The following JAZF1 variants were observed in gnomAD, a reference collection of about 807,000 sequenced individuals.
JAZF1 encodes the protein juxtaposed with another zinc finger protein 1.
A neutral mutation model predicts 26.4 loss-of-function variants in JAZF1; 8 were observed. The ratio of observed to expected loss-of-function variants is 0.30; its 90% CI spans 0.18 to 0.55. The LOEUF (loss-of-function observed/expected upper bound fraction) is 0.55, where lower values mean the gene tolerates loss of function less well. Ranked by LOEUF, JAZF1 falls within the 20% of genes least tolerant of loss-of-function variation. The pLI, the probability that JAZF1 is intolerant of heterozygous loss-of-function variation, is 0.94. For missense variants in JAZF1, 199 were observed against 322.0 expected (o/e 0.62, Z 2.92); for synonymous variants, 126 against 122.3 (o/e 1.03, Z -0.20).
chr7:28,007,362 A>G (rs1782721927), intron 1 of JAZF1, among the ~76,000 whole-genome samples: 1 of 152,150 alleles, frequency 6.6e-6, no homozygotes, highest in South Asian at 2.1e-4. Context: ...TGAGGTAGGG[A>G]GTTCGAGATC....
intron 1 of JAZF1, among the ~76,000 whole-genome samples, chr7:28,062,529 C>T (rs1466353879): frequency 6.7e-6 from 1 of 150,296 alleles, no homozygotes; most frequent in Non-Finnish European, 1.5e-5. Context: ...ACCCTGCATG[C>T]TGCATGCAGG....
intron 2 of JAZF1, among the ~76,000 whole-genome samples, chr7:27,943,245 C>T (rs1784876138): frequency 1.3e-5 from 2 of 152,090 alleles, no homozygotes; most frequent in South Asian, 4.2e-4. Context: ...GACTGCCTGG[C>T]CTATGCAGAC....
chr7:27,856,242 C>T (rs1190522125), intron 3 of JAZF1, among the ~76,000 whole-genome samples: 4 of 152,092 alleles, frequency 2.6e-5, no homozygotes, highest in African/African-American at 4.8e-5. Flanking sequence ...CAGACCTTCG[C>T]GGTGAGCGTT....
At chr7:28,110,533 A>G (rs531577869) in intron 1 of JAZF1, among the ~76,000 whole-genome samples, 30 of 23,864 alleles carry the variant, frequency 1.3e-3, no homozygotes, top group Non-Finnish European at 3.1e-3. Flanking sequence ...AAGGAAAAGG[A>G]AAGGAAAAGG....
intron 2 of JAZF1, among the ~76,000 whole-genome samples, chr7:27,945,169 T>A (rs1236565445): frequency 6.6e-6 from 1 of 151,858 alleles, no homozygotes; most frequent in East Asian, 1.9e-4. Context: ...AGGGCCGGGG[T>A]TTAAGCACAC....
Position 28,180,506 on chromosome 7 carries a change from G to T in JAZF1, c.72C>A (p.Pro24=). 6.2e-7 allele frequency: 1 copy of T among 1,611,114 alleles called. No homozygotes were observed. The highest frequency in any genetic ancestry group is 1.1e-5 in the South Asian group (1 of 90,914). Residue 24 remains proline (P), a synonymous_variant, in exon 1 of 5, where the codon CCC becomes CCA. Transcript: ENST00000283928. ...CRFGGCGLHF[P]TLADLIEHIE... ...TGTGCTCGATGAGGTCGGCCAGGGT[G>T]GGGAAGTGGAGTCCGCAGCCCCCGA...
chr7:28,008,516 G>A (rs549304587), intron 1 of JAZF1, among the ~76,000 whole-genome samples: 1 of 152,338 alleles, frequency 6.6e-6, no homozygotes, highest in South Asian at 2.1e-4. Flanking sequence ...TCCAAGACAA[G>A]GTGGTCTGAG....
intron 1 of JAZF1, among the ~76,000 whole-genome samples, chr7:28,148,671 T>C (rs1413861423): frequency 1.3e-5 from 2 of 152,254 alleles, no homozygotes; most frequent in African/African-American, 2.4e-5. Context: ...TATTCATTTA[T>C]TTGAAACACA....
chr7:28,026,677 G>A (rs1783099997), intron 1 of JAZF1, among the ~76,000 whole-genome samples: 1 of 152,200 alleles, frequency 6.6e-6, no homozygotes. Context: ...ATATTTTCAT[G>A]TTATAAAAAT....
At chr7:28,129,050 CTT>C (rs370693416) in intron 1 of JAZF1, among the ~76,000 whole-genome samples, 41 of 152,178 alleles carry the variant, frequency 2.7e-4, no homozygotes, top group African/African-American at 9.6e-4. Flanking sequence ...ATGCAAGACT[CTT>C]TTCCTTGACC....
At chr7:28,014,735 A>G (rs1231566119) in intron 1 of JAZF1, among the ~76,000 whole-genome samples, 1 of 152,246 alleles carries the variant, frequency 6.6e-6, no homozygotes, top group Non-Finnish European at 1.5e-5. Flanking sequence ...GGTCCTAGAC[A>G]GCAGTAATAA....
intron 1 of JAZF1, among the ~76,000 whole-genome samples, chr7:28,144,179 G>A (rs1670691672): frequency 6.6e-6 from 1 of 152,138 alleles, no homozygotes; most frequent in Non-Finnish European, 1.5e-5. Flanking sequence ...TTTAAGATAA[G>A]GGAATTCAAA....
Position 28,058,999 on chromosome 7 carries a change from G to A in JAZF1, c.116-67018C>T, listed in dbSNP as rs74771733. 9.1e-3 allele frequency among the ~76,000 whole-genome samples: 1,392 copies of A among 152,210 alleles called. 19 individuals are homozygous for A. Among genetic ancestry groups the A allele is most frequent in the African/African-American group, 0.031 (1,291 of 41,544 alleles). On this transcript the variant is annotated intron_variant, in intron 1 of 4. Coordinates refer to ENST00000283928, the MANE Select transcript of JAZF1 (RefSeq NM_175061.4). The stretch of plus-strand genomic sequence containing the variant: ...TAGAGTGACAAAGAAATTAAAATCT[G>A]CCCCATGATAACAAGACTGTTTTAT...
At position 27,950,782 on chromosome 7, in the gene JAZF1, C is replaced by T. The variant is rs561947725; in HGVS notation, c.188+41127G>A. 3.3e-5 allele frequency among the ~76,000 whole-genome samples: 5 copies of T among 152,136 alleles called. No homozygotes were observed. In the South Asian group the frequency reaches 6.2e-4, roughly 19 times the overall value. On this transcript the variant is annotated intron_variant, in intron 2 of 4. Transcript: ENST00000283928. ...TGCATTGTACTACATAAGACTACAT[C>T]GAGTAGTTGGTCACAGCATTCATAA...
chr7:27,874,679 C>T (rs1184422067), intron 3 of JAZF1, among the ~76,000 whole-genome samples: 1 of 151,658 alleles, frequency 6.6e-6, no homozygotes, highest in African/African-American at 2.4e-5. Context: ...AGCAAAGAAG[C>T]ATGGCCTGAA....
chr7:27,969,856 A>G (rs1785345215), intron 2 of JAZF1, among the ~76,000 whole-genome samples: 1 of 152,228 alleles, frequency 6.6e-6, no homozygotes, highest in African/African-American at 2.4e-5. Flanking sequence ...GATTCCGTGC[A>G]GTATGGCGAG....
At chr7:27,834,760 G>T (rs1782773581) in intron 4 of JAZF1, among the ~76,000 whole-genome samples, 1 of 152,218 alleles carries the variant, frequency 6.6e-6, no homozygotes, top group South Asian at 2.1e-4. Context: ...GCCTTCAGAT[G>T]ATTCTAGCCC....
chr7:28,040,321 G>A (rs912462152), intron 1 of JAZF1, among the ~76,000 whole-genome samples: 1 of 152,194 alleles, frequency 6.6e-6, no homozygotes, highest in South Asian at 2.1e-4. Flanking sequence ...AGTGGGGCAA[G>A]CAAGGTCCTG....
chr7:27,981,164 G>C (rs569419110), intron 2 of JAZF1, among the ~76,000 whole-genome samples: 2 of 152,270 alleles, frequency 1.3e-5, no homozygotes, highest in South Asian at 2.1e-4. Context: ...GCTAGGATTT[G>C]ATCTGTCAAA....
Sources: allele counts gnomAD v4.1 joint callset (sites outside exome capture counted in the v4.1 genomes callset), GRCh38; gene constraint gnomAD v4.1.1; transcripts MANE v1.5; gene names NCBI Gene and HGNC (gene_info 2026-07-23, HGNC 2026-07-21).